The following UGT2B4 variants were observed in gnomAD, a reference collection of about 807,000 sequenced individuals.
UGT2B4 encodes UDP-glucuronosyltransferase 2B4.
UGT2B4 carries 49 observed loss-of-function variants against 49.8 expected under a neutral mutation model. The ratio of observed to expected loss-of-function variants is 0.98; its 90% CI spans 0.78 to 1.25. The LOEUF is 1.25. Among genes scored for constraint, UGT2B4 ranks in the 50% most tolerant of loss-of-function variants. The pLI, the probability that UGT2B4 is intolerant of heterozygous loss-of-function variation, is 0.00. For synonymous variants in UGT2B4, 246 were observed against 217.7 expected, an observed-to-expected ratio of 1.13 and a Z score of -1.14; for missense variants, 729 against 627.7, an observed-to-expected ratio of 1.16 and a Z score of -1.73.
intron 5 of UGT2B4, among the ~76,000 whole-genome samples, chr4:69,481,200 C>T (rs973997712): frequency 4.0e-5 from 6 of 149,978 alleles, no homozygotes; most frequent in African/African-American, 7.3e-5. Context: ...ACCCAAGAGG[C>T]GGAAGTTGCA....
rs749045212 is a variant in UGT2B4 at position 69,495,589 on chromosome 4, C to T, written c.273G>A (p.Lys91=). The T allele has an allele frequency of 1.1e-5, 18 of 1,613,954 alleles. No homozygotes were observed. In the East Asian group the frequency reaches 3.6e-4, roughly 32 times the overall value. The change falls in exon 1 of 6, where the codon AAG becomes AAA. Residue 91 remains lysine, a synonymous_variant. Coordinates refer to ENST00000305107, the MANE Select transcript of UGT2B4 (RefSeq NM_021139.3). ...GTTCTGCCCATCTCTTAACCAGCTGCTTGATAATATCCTCAAACTCAGTTT... is the reference window on the plus strand; with the variant it reads ...GTTCTGCCCATCTCTTAACCAGCTGTTTGATAATATCCTCAAACTCAGTTT... ...LTKTEFEDII[K]QLVKRWAELP...
chr4:69,502,558 G>A (rs1370021722), intron 1 of UGT2B4, among the ~76,000 whole-genome samples: 1 of 152,102 alleles, frequency 6.6e-6, no homozygotes, highest in African/African-American at 2.4e-5. Context: ...CCAGCATACT[G>A]CAGCAGCCCT....
intron 1 of UGT2B4, chr4:69,525,605 G>A (rs916153788): frequency 2.8e-5 from 24 of 872,208 alleles, no homozygotes; most frequent in Admixed American, 2.5e-4. Context: ...ATATGGGTTA[G>A]ACAATAGATT....
At chr4:69,524,635 C>T (rs1422525425) in intron 1 of UGT2B4, among the ~76,000 whole-genome samples, 1 of 151,612 alleles carries the variant, frequency 6.6e-6, no homozygotes, top group African/African-American at 2.4e-5. Flanking sequence ...TGATGATTTG[C>T]TGTTGGAAAA....
At chr4:69,492,156 T>A (rs1015775536) in intron 2 of UGT2B4, among the ~76,000 whole-genome samples, 1 of 152,074 alleles carries the variant, frequency 6.6e-6, no homozygotes, top group African/African-American at 2.4e-5. Context: ...TTATTATACA[T>A]GCGTTGTTCA....
At chr4:69,496,411 T>C (rs1043271142), upstream of UGT2B4, among the ~76,000 whole-genome samples, 2 of 152,224 alleles carry the variant, frequency 1.3e-5, no homozygotes, top group African/African-American at 2.4e-5. Flanking sequence ...TTCAGAATAG[T>C]GTGCATAAGA....
upstream of UGT2B4, among the ~76,000 whole-genome samples, chr4:69,497,733 C>T (rs1195795201): frequency 6.6e-6 from 1 of 152,152 alleles, no homozygotes; most frequent in Admixed American, 6.5e-5. Flanking sequence ...GAAATGACAA[C>T]AATAGATTTA....
chr4:69,505,351 T>C (rs991366870), intron 1 of UGT2B4, among the ~76,000 whole-genome samples: 3 of 152,136 alleles, frequency 2.0e-5, no homozygotes, highest in African/African-American at 7.2e-5. Flanking sequence ...ATGGCATACA[T>C]AGGCTCAAAA....
In UGT2B4 at chr4:69,494,106, C is replaced by CA. The variant is rs569647573; in HGVS notation, c.722-266dup. 1.7e-3 allele frequency among the ~76,000 whole-genome samples: 266 copies of CA among 152,208 alleles called. 2 individuals carry two copies. Among genetic ancestry groups the CA allele is most frequent in the African/African-American group, 6.1e-3 (254 of 41,532 alleles). On this transcript the variant is annotated intron_variant, in intron 1 of 5. Transcript: ENST00000305107. ...TGTCACATCAGTATATTCACAATCA[C>CA]AAACAAGCCATAGAGAATTAATCTC...
intron 1 of UGT2B4, among the ~76,000 whole-genome samples, chr4:69,509,894 C>CA (rs1728565750): frequency 6.6e-6 from 1 of 151,306 alleles, no homozygotes; most frequent in Non-Finnish European, 1.5e-5. Flanking sequence ...GCTTTGTTGT[C>CA]TGTGCTTTTC....
At chr4:69,504,836 G>T (rs1351300437) in intron 1 of UGT2B4, among the ~76,000 whole-genome samples, 12 of 151,922 alleles carry the variant, frequency 7.9e-5, no homozygotes, top group Admixed American at 5.9e-4. Context: ...AAAAACAAAT[G>T]TTACAGAAAG....
intron 1 of UGT2B4, among the ~76,000 whole-genome samples, chr4:69,509,765 A>G (rs549830444): frequency 1.7e-4 from 26 of 152,088 alleles, no homozygotes; most frequent in African/African-American, 6.0e-4. Flanking sequence ...CCCTTATCAG[A>G]TACATATCTT....
chr4:69,522,170 T>C (rs1482352513), intron 1 of UGT2B4, among the ~76,000 whole-genome samples: 2 of 151,088 alleles, frequency 1.3e-5, no homozygotes, highest in East Asian at 3.9e-4. Context: ...ATAATATAGG[T>C]TTACATTTAA....
chr4:69,495,482 C>A lies in UGT2B4; in HGVS notation c.380G>T (p.Cys127Phe). 6.2e-7 allele frequency: 1 copy of A among 1,612,408 alleles called. No individual in the cohort carries two copies. Among genetic ancestry groups the A allele is most frequent in the Non-Finnish European group, 8.5e-7 (1 of 1,179,028 alleles). ...WTFNDILRKF[C>F]KDIVSNKKLM... ...TTTCTTATTTGAAACTATATCCTTA[C>A]AGAACTTTCTAAGTATGTCATTAAA... Residue 127 changes from cysteine (C) to phenylalanine (F), a missense_variant, in exon 1 of 6, where the codon TGT becomes TTT. Physicochemically the swap from Cys to Phe is radical, Grantham distance 205. Transcript: ENST00000305107.
chr4:69,515,414 T>G (rs1728705641), intron 1 of UGT2B4, among the ~76,000 whole-genome samples: 1 of 152,138 alleles, frequency 6.6e-6, no homozygotes, highest in Admixed American at 6.5e-5. Flanking sequence ...TGAATGACTT[T>G]TTGGCAAAGA....
chr4:69,511,537 T>G (rs2082335), intron 1 of UGT2B4, among the ~76,000 whole-genome samples: 2 of 152,114 alleles, frequency 1.3e-5, no homozygotes, highest in South Asian at 4.2e-4. Context: ...TAATATGCTG[T>G]GGAATTAAGT....
At chr4:69,523,565 G>C (rs1203046599) in intron 1 of UGT2B4, among the ~76,000 whole-genome samples, 2 of 152,006 alleles carry the variant, frequency 1.3e-5, no homozygotes, top group Non-Finnish European at 2.9e-5. Context: ...TGTCATCTAG[G>C]CTTTGTCATT....
rs41297397 is a variant in UGT2B4, at chr4:69,489,632, G to A, written c.871-62C>T. The A allele has an allele frequency of 2.0e-3, 3,025 of 1,544,104 alleles. 44 individuals are homozygous for A. The African/African-American group carries it at 0.036, about 18-fold the overall frequency. On this transcript the variant is annotated intron_variant, in intron 2 of 5. Coordinates refer to ENST00000305107, the MANE Select transcript of UGT2B4 (RefSeq NM_021139.3). ...TATCAGCACAGCAAGCACTGTGAAA[G>A]AATTGTTATAAAAAGAGAGAAAATC...
At chr4:69,522,331 C>T in intron 1 of UGT2B4, among the ~76,000 whole-genome samples, 1 of 152,236 alleles carries the variant, frequency 6.6e-6, no homozygotes, top group Middle Eastern at 3.4e-3. Context: ...CTCATGTAGA[C>T]TATCCGTTAG....
Sources: allele counts gnomAD v4.1 joint callset (sites outside exome capture counted in the v4.1 genomes callset), GRCh38; gene constraint gnomAD v4.1.1; transcripts MANE v1.5; gene names NCBI Gene and HGNC (gene_info 2026-07-23, HGNC 2026-07-21).